Variants in CENPP observed in about 807,000 individuals in gnomAD.
CENPP encodes centromere protein P.
A neutral mutation model predicts 35.6 loss-of-function variants in CENPP; 24 were observed. The ratio of observed to expected loss-of-function variants is 0.67; its 90% CI spans 0.49 to 0.95. The LOEUF is 0.95. Ranked by LOEUF, CENPP falls within the 40% of genes least tolerant of loss-of-function variation. CENPP has a pLI of 0.00. For missense variants in CENPP, 332 were observed against 345.3 expected (o/e 0.96, Z 0.31); for synonymous variants, 120 against 125.5 (o/e 0.96, Z 0.29).
At chr9:92,596,658 G>C (rs949129385) in intron 5 of CENPP, among the ~76,000 whole-genome samples, 1 of 151,826 alleles carries the variant, frequency 6.6e-6, no homozygotes, top group Non-Finnish European at 1.5e-5. Context: ...AGAGTTAGTC[G>C]GAAGTCCATA....
intron 5 of CENPP, among the ~76,000 whole-genome samples, chr9:92,566,052 C>A (rs1849958971): frequency 1.3e-5 from 2 of 152,132 alleles, no homozygotes; most frequent in Non-Finnish European, 2.9e-5. Context: ...CCTGTAATCC[C>A]AGCACTTTGG....
intron 5 of CENPP, among the ~76,000 whole-genome samples, chr9:92,519,145 G>C (rs1037614335): frequency 6.6e-6 from 1 of 152,016 alleles, no homozygotes; most frequent in Non-Finnish European, 1.5e-5. Context: ...CACTAACTCA[G>C]CCCAATTCAG....
At chr9:92,407,426 A>C (rs1187289401) in intron 5 of CENPP, among the ~76,000 whole-genome samples, 4 of 152,220 alleles carry the variant, frequency 2.6e-5, no homozygotes, top group Admixed American at 1.3e-4. Flanking sequence ...CTTTAGGCAA[A>C]GCCAAAATCT....
chr9:92,341,179 C>T (rs1429130539), intron 3 of CENPP, among the ~76,000 whole-genome samples: 1 of 152,122 alleles, frequency 6.6e-6, no homozygotes, highest in African/African-American at 2.4e-5. Context: ...AAATTTTGTT[C>T]AGACCAGTTG....
At chr9:92,498,635 G>A (rs1157258708) in intron 5 of CENPP, among the ~76,000 whole-genome samples, 1 of 152,052 alleles carries the variant, frequency 6.6e-6, no homozygotes, top group Non-Finnish European at 1.5e-5. Context: ...ATATTAAGTT[G>A]TTGACATATT....
At chr9:92,470,571 A>G (rs1247807307) in intron 5 of CENPP, 2 of 609,496 alleles carry the variant, frequency 3.3e-6, no homozygotes, top group Non-Finnish European at 5.3e-6. Flanking sequence ...TTTACAGAAA[A>G]GTAAGACTTG....
chr9:92,474,493 A>G, intron 5 of CENPP: 1 of 1,324,424 alleles, frequency 7.6e-7, no homozygotes, highest in East Asian at 2.7e-5. Flanking sequence ...TGTACTTTCC[A>G]CCTAAAAACT....
At chr9:92,567,399 T>TATAG (rs1554688331) in intron 5 of CENPP, among the ~76,000 whole-genome samples, 26 of 136,210 alleles carry the variant, frequency 1.9e-4, no homozygotes, top group South Asian at 4.9e-4. Context: ...TATATATAGA[T>TATAG]ATATATATAA....
Position 92,416,058 on chromosome 9 carries a change from G to GTATA in CENPP, c.564+36209_564+36212dup, listed in dbSNP as rs1554760078. 7.2e-3 allele frequency among the ~76,000 whole-genome samples: 948 copies of GTATA among 130,896 alleles called. 19 individuals carry two copies. Among genetic ancestry groups the GTATA allele is most frequent in the African/African-American group, 0.022 (791 of 36,356 alleles). 85.9% of individuals were successfully genotyped at this position (130,896 alleles called of 152,430 possible). A position where few individuals can be genotyped will look rare whatever the true frequency, so the allele number is the denominator to read the frequency against. ...ATAAATAAATATATTATATATGTGT[G>GTATA]TATATATATATATTTATTTATTTAT... On this transcript the variant is annotated intron_variant, in intron 5 of 7. Coordinates refer to ENST00000375587, the MANE Select transcript of CENPP (RefSeq NM_001012267.3).
chr9:92,436,302 A>T (rs1320424578), intron 5 of CENPP, among the ~76,000 whole-genome samples: 1 of 152,222 alleles, frequency 6.6e-6, no homozygotes, highest in African/African-American at 2.4e-5. Flanking sequence ...TAGAACAAGG[A>T]GTACCTTTGT....
chr9:92,349,772 TACAC>T (rs765339738), intron 4 of CENPP, among the ~76,000 whole-genome samples: 22 of 152,206 alleles, frequency 1.4e-4, no homozygotes, highest in Non-Finnish European at 2.1e-4. Flanking sequence ...TTTGTATGTA[TACAC>T]ACACATACAC....
At chr9:92,506,737 T>A (rs1056513860) in intron 5 of CENPP, among the ~76,000 whole-genome samples, 1 of 151,794 alleles carries the variant, frequency 6.6e-6, no homozygotes, top group African/African-American at 2.4e-5. Context: ...TAGATAGAAG[T>A]AGGAGGAACT....
At chr9:92,498,876 T>G (rs142996290) in intron 5 of CENPP, among the ~76,000 whole-genome samples, 2 of 152,328 alleles carry the variant, frequency 1.3e-5, no homozygotes, top group East Asian at 3.9e-4. Context: ...AATATTCAAT[T>G]ATGTTAAATT....
At chr9:92,438,272 G>T (rs1454504827) in intron 5 of CENPP, among the ~76,000 whole-genome samples, 11 of 152,030 alleles carry the variant, frequency 7.2e-5, no homozygotes, top group Non-Finnish European at 1.6e-4. Flanking sequence ...TTTGTGTGTG[G>T]TGTGAGGTTA....
At chr9:92,464,677 C>T in intron 5 of CENPP, 1 of 628,740 alleles carries the variant, frequency 1.6e-6, no homozygotes, top group Non-Finnish European at 3.0e-6. Context: ...AGAAGGAAAA[C>T]TAAAAGTTCA....
intron 5 of CENPP, chr9:92,456,979 A>C (rs1844899667): frequency 1.8e-6 from 2 of 1,099,262 alleles, no homozygotes; most frequent in South Asian, 3.0e-5. Context: ...CTTGATAACA[A>C]AGTGTTAAAT....
At chr9:92,464,132 A>G (rs1845216861) in intron 5 of CENPP, among the ~76,000 whole-genome samples, 1 of 152,210 alleles carries the variant, frequency 6.6e-6, no homozygotes, top group African/African-American at 2.4e-5. Context: ...CATCAAAGCA[A>G]AGAGAGCATG....
At chr9:92,367,458 T>C (rs996406401) in intron 4 of CENPP, among the ~76,000 whole-genome samples, 2 of 151,960 alleles carry the variant, frequency 1.3e-5, no homozygotes, top group Non-Finnish European at 2.9e-5. Context: ...TGAGCCACCA[T>C]GCCTGGCCTT....
chr9:92,571,263 G>C lies in CENPP; in HGVS notation c.565-40051G>C, dbSNP rs570069376. Among the ~76,000 whole-genome samples the C allele has an allele frequency of 1.8e-4, 27 of 152,322 alleles. No homozygotes were observed. In the East Asian group the frequency reaches 4.8e-3, roughly 27 times the overall value. ...CACACTGCTTTAAATGTGTCCCAGAGATTCTGGTATGTTGTGTCTTTGTTC... is the reference window on the plus strand; with the variant it reads ...CACACTGCTTTAAATGTGTCCCAGACATTCTGGTATGTTGTGTCTTTGTTC... On this transcript the variant is annotated intron_variant, in intron 5 of 7. Coordinates refer to ENST00000375587, the MANE Select transcript of CENPP (RefSeq NM_001012267.3).
Sources: gnomAD v4.1 joint callset for allele counts (sites outside exome capture counted in the v4.1 genomes callset) on GRCh38, gnomAD v4.1.1 for gene constraint, MANE v1.5 for transcripts, NCBI Gene and HGNC (gene_info 2026-07-23, HGNC 2026-07-21) for gene names.